The following PDE10A variants were observed in gnomAD, a reference collection of about 807,000 sequenced individuals.
PDE10A encodes the protein cAMP and cAMP-inhibited cGMP 3',5'-cyclic phosphodiesterase 10A.
PDE10A carries 39 observed loss-of-function variants against 97.7 expected under a neutral mutation model. The ratio of observed to expected loss-of-function variants is 0.40; its 90% confidence interval spans 0.31 to 0.52. PDE10A has a LOEUF of 0.52. PDE10A is among the 20% of genes least tolerant of loss of function. The pLI is 0.56. For synonymous variants in PDE10A, 371 were observed against 376.8 expected, an observed-to-expected ratio of 0.98 and a Z score of 0.18; for missense variants, 731 against 1,047.8, an observed-to-expected ratio of 0.70 and a Z score of 4.17.
intron 1 of PDE10A, among the ~76,000 whole-genome samples, chr6:165,854,092 C>T (rs1780646241): frequency 6.6e-6 from 1 of 152,202 alleles, no homozygotes; most frequent in African/African-American, 2.4e-5. Context: ...TAGGGAAGAG[C>T]CCAGGCAGGG....
At chr6:165,903,259 G>A (rs1045736616) in intron 1 of PDE10A, among the ~76,000 whole-genome samples, 1 of 152,186 alleles carries the variant, frequency 6.6e-6, no homozygotes, top group African/African-American at 2.4e-5. Context: ...TATGGTTTCA[G>A]TTTTTAAAAA....
At chr6:165,918,060 G>A (rs1426003519) in intron 1 of PDE10A, among the ~76,000 whole-genome samples, 5 of 152,132 alleles carry the variant, frequency 3.3e-5, no homozygotes, top group Non-Finnish European at 7.3e-5. Context: ...ATTCCAGAGT[G>A]GTATAAAAAA....
chr6:165,441,212 A>G (rs945808012), intron 5 of PDE10A, among the ~76,000 whole-genome samples: 1 of 152,098 alleles, frequency 6.6e-6, no homozygotes, highest in Non-Finnish European at 1.5e-5. Context: ...CTCATCATCC[A>G]ATCTGTTTTT....
rs112638237 is a variant in PDE10A, at chr6:165,574,281, T to C, written c.866-30713A>G. On this transcript the variant is annotated intron_variant, in intron 1 of 21. Transcript: ENST00000539869. ...TTTAAAAAAAAAAAAAGCAATTTGT[T>C]AGAAAATGTACGTGTGCCTCTTATA... Among the ~76,000 whole-genome samples the C allele has an allele frequency of 5.0e-3, 765 of 151,998 alleles. 3 individuals carry two copies. The highest frequency in any genetic ancestry group is 0.017 in the African/African-American group (715 of 41,486).
At chr6:165,880,119 G>T (rs576283351) in intron 1 of PDE10A, among the ~76,000 whole-genome samples, 12 of 152,160 alleles carry the variant, frequency 7.9e-5, no homozygotes, top group Non-Finnish European at 1.8e-4. Context: ...ATAAGAGGAG[G>T]CCTGTACAGC....
rs181161277 is a variant in PDE10A at position 165,966,468 on chromosome 6, G to A, written c.-615+21061C>T. ...CATTACTCAACTGTGGGCCCTGGAC[G>A]TGAGGGACAACATGCAGTGTTCCAG... On this transcript the variant is annotated intron_variant, in intron 1 of 19. Coordinates refer to the PDE10A transcript ENST00000366882. Among the ~76,000 whole-genome samples, 11 of 152,346 alleles carry A rather than the reference G, an allele frequency of 7.2e-5. 1 individual carries two copies. The East Asian group carries it at 7.7e-4, about 11-fold the overall frequency.
At chr6:165,840,578 C>G (rs1780231956) in intron 1 of PDE10A, among the ~76,000 whole-genome samples, 1 of 152,134 alleles carries the variant, frequency 6.6e-6, no homozygotes, top group South Asian at 2.1e-4. Flanking sequence ...CCCAAGCTAC[C>G]AAAACTGCAG....
chr6:165,359,989 G>A (rs1332305337), intron 18 of PDE10A, among the ~76,000 whole-genome samples: 2 of 152,074 alleles, frequency 1.3e-5, no homozygotes, highest in African/African-American at 4.8e-5. Flanking sequence ...TTTCTGCCAG[G>A]CTGTTACTTC....
chr6:165,458,241 C>T (rs150811865), intron 3 of PDE10A, among the ~76,000 whole-genome samples: 1 of 151,886 alleles, frequency 6.6e-6, no homozygotes, highest in Non-Finnish European at 1.5e-5. Context: ...TACCTTTTAC[C>T]CAGAGCTATA....
chr6:165,377,282 C>T (rs1784665168), intron 18 of PDE10A, among the ~76,000 whole-genome samples: 1 of 152,012 alleles, frequency 6.6e-6, no homozygotes, highest in Admixed American at 6.6e-5. Context: ...CACACCCCTA[C>T]CTTTGAAAAA....
rs376371487 is a variant in PDE10A, at chr6:165,811,626, G to C, written c.-615+175903C>G. 2.0e-5 allele frequency among the ~76,000 whole-genome samples: 3 copies of C among 152,318 alleles called. No homozygotes were observed. The East Asian group carries it at 5.8e-4, about 29-fold the overall frequency. On this transcript the variant is annotated intron_variant, in intron 1 of 19. Transcript: ENST00000366882. The stretch of plus-strand genomic sequence containing the variant: ...ATAAGACAGACTCCGGCCTCCCTGT[G>C]AGAGAGTGTGCAGCTGAGCAGTGAG...
intron 1 of PDE10A, among the ~76,000 whole-genome samples, chr6:165,888,155 G>C (rs992151538): frequency 6.6e-6 from 1 of 152,090 alleles, no homozygotes; most frequent in Non-Finnish European, 1.5e-5. Context: ...TTTTCAAAGA[G>C]GTTACCTTGA....
chr6:165,413,431 G>T, intron 13 of PDE10A, 70 bp downstream of exon 13: 2 of 1,085,626 alleles, frequency 1.8e-6, no homozygotes, highest in Non-Finnish European at 2.6e-6. Flanking sequence ...AAGCCCTTAA[G>T]CTGCTTTATG....
At chr6:165,374,960 T>G (rs1784522695) in intron 18 of PDE10A, among the ~76,000 whole-genome samples, 1 of 152,174 alleles carries the variant, frequency 6.6e-6, no homozygotes, top group South Asian at 2.1e-4. Flanking sequence ...ATTGTAACTA[T>G]TTGTGGGTGC....
chr6:165,348,155 G>C (rs1782442254), intron 18 of PDE10A, among the ~76,000 whole-genome samples: 1 of 152,070 alleles, frequency 6.6e-6, no homozygotes, highest in Non-Finnish European at 1.5e-5. Context: ...ATTTTAGAAA[G>C]ATAACAAAAA....
rs145186499 is a variant in PDE10A at position 165,392,706 on chromosome 6, A to G, written c.2394T>C (p.Thr798=). Residue 798 remains threonine (T), a synonymous_variant, in exon 16 of 22, where the codon ACT becomes ACC. Transcript: ENST00000539869. ...GTATGGCATACATGCAGTGTGCTACAGTGACCGCATGCTTCCAGTTGTGAT... is the reference window on the plus strand; with the variant it reads ...GTATGGCATACATGCAGTGTGCTACGGTGACCGCATGCTTCCAGTTGTGAT... ...VPYHNWKHAV[T]VAHCMYAILQ... 1.8e-5 allele frequency: 29 copies of G among 1,613,928 alleles called. No homozygotes were observed. In the African/African-American group the frequency reaches 3.2e-4, roughly 18 times the overall value.
At chr6:165,652,296 G>T (rs564959540) in intron 1 of PDE10A, among the ~76,000 whole-genome samples, 29 of 151,618 alleles carry the variant, frequency 1.9e-4, no homozygotes, top group Non-Finnish European at 3.8e-4. Flanking sequence ...TCCCTCTGTT[G>T]CCCAGGCTAC....
rs1195172101 is a variant in PDE10A at position 165,876,708 on chromosome 6, G to T, written c.-615+110821C>A. 4.6e-5 allele frequency among the ~76,000 whole-genome samples: 7 copies of T among 152,220 alleles called. No homozygotes were observed. The East Asian group carries it at 1.3e-3, about 29-fold the overall frequency. On this transcript the variant is annotated intron_variant, in intron 1 of 19. Coordinates refer to the PDE10A transcript ENST00000366882. ...CAGCCTCCCAGTTCTCTTTAAGAGT[G>T]GCTGCCAAGCCTCCGTGCGTCACGG...
At chr6:165,642,190 C>T (rs746937341) in intron 1 of PDE10A, among the ~76,000 whole-genome samples, 1 of 152,226 alleles carries the variant, frequency 6.6e-6, no homozygotes, top group Non-Finnish European at 1.5e-5. Flanking sequence ...TCTCCCACAG[C>T]CCCACATCCA....
Sources: gnomAD v4.1 joint callset for allele counts (sites outside exome capture counted in the v4.1 genomes callset) on GRCh38, gnomAD v4.1.1 for gene constraint, MANE v1.5 for transcripts, NCBI Gene and HGNC (gene_info 2026-07-23, HGNC 2026-07-21) for gene names.